IAPP: variants seen among roughly 807,000 people sequenced by gnomAD.
IAPP encodes the protein Islet amyloid polypeptide (diabetes-associated peptide; amylin).
In IAPP, 4 loss-of-function variants were observed where a neutral mutation model predicts 2.9. That is an observed-to-expected ratio of 1.39 (90% CI 0.69 to 3.19). The LOEUF is 3.19. Among genes scored for constraint, IAPP ranks in the 30% most tolerant of loss-of-function variants. The pLI is 0.01. For missense variants in IAPP, 114 were observed against 105.3 expected, an observed-to-expected ratio of 1.08 and a Z score of -0.36; for synonymous variants, 40 against 42.1, an observed-to-expected ratio of 0.95 and a Z score of 0.19.
upstream of IAPP, among the ~76,000 whole-genome samples, chr12:21,369,246 C>T (rs1169741824): frequency 7.2e-5 from 11 of 152,120 alleles, no homozygotes; most frequent in Non-Finnish European, 8.8e-5. Flanking sequence ...CTTCTCATTT[C>T]TTCCCTTTAT....
chr12:21,366,524 C>A (rs11614319), intron 1 of IAPP, among the ~76,000 whole-genome samples: 32,352 of 151,760 alleles, frequency 0.21, 4,279 homozygotes, highest in Middle Eastern at 0.31. Context: ...TGCACATGTA[C>A]CCTAGAACCT....
intron 1 of IAPP, among the ~76,000 whole-genome samples, chr12:21,367,044 C>T (rs1031565624): frequency 6.6e-6 from 1 of 152,004 alleles, no homozygotes; most frequent in African/African-American, 2.4e-5. Context: ...CACACCAAAG[C>T]ATATCAGCCT....
At chr12:21,371,675 A>G (rs1939801758), upstream of IAPP, among the ~76,000 whole-genome samples, 1 of 152,166 alleles carries the variant, frequency 6.6e-6, no homozygotes, top group South Asian at 2.1e-4. Context: ...AAGTTGTTCT[A>G]TTAATAACTA....
chr12:21,361,156 T>A (rs1938835113), intron 1 of IAPP, among the ~76,000 whole-genome samples: 1 of 134,098 alleles, frequency 7.5e-6, no homozygotes, highest in South Asian at 2.5e-4. Flanking sequence ...GACAGACACC[T>A]CATACGGGGG....
intron 2 of IAPP, among the ~76,000 whole-genome samples, chr12:21,374,834 T>G (rs776520682): frequency 1.1e-4 from 16 of 151,888 alleles, no homozygotes; most frequent in Non-Finnish European, 1.9e-4. Context: ...TCTCTCTCTC[T>G]CTCTCTGTCT....
At chr12:21,366,352 G>T (rs1000581173) in intron 1 of IAPP, among the ~76,000 whole-genome samples, 10 of 139,006 alleles carry the variant, frequency 7.2e-5, no homozygotes, top group African/African-American at 2.7e-4. Flanking sequence ...TGAACAATGA[G>T]AACACAGGGA....
chr12:21,377,037 A>G (rs1489813516), intron 2 of IAPP, among the ~76,000 whole-genome samples: 1 of 152,208 alleles, frequency 6.6e-6, no homozygotes, highest in Non-Finnish European at 1.5e-5. Flanking sequence ...TGGTATACAA[A>G]TAAATGTCTT....
intron 1 of IAPP, among the ~76,000 whole-genome samples, chr12:21,361,783 G>C (rs1262998541): frequency 6.6e-6 from 1 of 152,164 alleles, no homozygotes; most frequent in Admixed American, 6.5e-5. Context: ...TCAAATAGAA[G>C]AAAGGGTATC....
chr12:21,373,747 C>T (rs1266714349), intron 2 of IAPP: 8 of 695,866 alleles, frequency 1.1e-5, no homozygotes, highest in South Asian at 1.1e-4. Flanking sequence ...GTAATTTCTT[C>T]TATATTAACC....
At position 21,373,361 on chromosome 12, in the gene IAPP, C is replaced by T; in HGVS notation, c.10C>T (p.Leu4=). The T allele has an allele frequency of 6.2e-7, 1 of 1,612,364 alleles. No individual in the cohort carries two copies. Among genetic ancestry groups the T allele is most frequent in the Non-Finnish European group, 8.5e-7 (1 of 1,178,586 alleles). MGI[L]KLQVFLIVLS... ...GAAAATTTGAGAAGCAATGGGCATC[C>T]TGAAGCTGCAAGTATTTCTCATTGT... is the stretch of plus-strand genomic sequence containing the variant. Residue 4 remains leucine, a synonymous_variant, in exon 2 of 3, where the codon CTG becomes TTG. Coordinates refer to ENST00000240652, the MANE Select transcript of IAPP (RefSeq NM_000415.3).
At chr12:21,367,846 A>G (rs1939505110) in intron 1 of IAPP, among the ~76,000 whole-genome samples, 1 of 152,122 alleles carries the variant, frequency 6.6e-6, no homozygotes, top group South Asian at 2.1e-4. Flanking sequence ...TATAAAGTAT[A>G]TTTCAAAAAA....
intron 1 of IAPP, among the ~76,000 whole-genome samples, chr12:21,360,662 C>G (rs35940473): frequency 0.093 from 14,155 of 152,204 alleles, 1,051 homozygotes; most frequent in East Asian, 0.4. Context: ...ACAGACAGCA[C>G]CTGGAAAATC....
chr12:21,372,066 G>A (rs1939838927), upstream of IAPP, among the ~76,000 whole-genome samples: 1 of 152,000 alleles, frequency 6.6e-6, no homozygotes, highest in Admixed American at 6.6e-5. Context: ...GCAATTTGGA[G>A]AAAATTTTAA....
chr12:21,358,812 A>T (rs1022037015), intron 1 of IAPP, among the ~76,000 whole-genome samples: 4 of 152,190 alleles, frequency 2.6e-5, no homozygotes, highest in Admixed American at 6.5e-5. Context: ...CATAAGTCTA[A>T]ATACCTACCA....
At position 21,379,903 on chromosome 12, in the gene IAPP, G is replaced by C. The variant is rs1031021341; in HGVS notation, c.*1477G>C. ...GTGGTAGCGGTAGTGAGTGTATAGA[G>C]GCAGGGAAATATATTTATAATAAAT... On this transcript the variant is annotated 3_prime_UTR_variant, in exon 3 of 3. Transcript: ENST00000240652. The C allele has an allele frequency of 6.6e-6, 1 of 152,072 alleles. No homozygotes were observed. The highest frequency in any genetic ancestry group is 1.5e-5 in the Non-Finnish European group (1 of 68,018). 9.4% of individuals were successfully genotyped at this position (152,072 alleles called of 1,614,324 possible). A position where few individuals can be genotyped will look rare whatever the true frequency, so the allele number is the denominator to read the frequency against.
At chr12:21,363,197 C>G (rs1218171532) in intron 1 of IAPP, among the ~76,000 whole-genome samples, 1 of 152,186 alleles carries the variant, frequency 6.6e-6, no homozygotes, top group Admixed American at 6.5e-5. Flanking sequence ...CAAACTGTCT[C>G]TCAGACCACA....
intron 1 of IAPP, among the ~76,000 whole-genome samples, chr12:21,363,542 G>C (rs1476877263): frequency 1.3e-5 from 2 of 152,060 alleles, no homozygotes; most frequent in African/African-American, 4.8e-5. Context: ...AAATAACTAA[G>C]ATCAGAGCAG....
chr12:21,373,716 C>CG (rs769824646), intron 2 of IAPP: 2 of 700,866 alleles, frequency 2.9e-6, no homozygotes, highest in South Asian at 3.0e-5. Context: ...GAACATGAAG[C>CG]GGGAAAAAAA....
chr12:21,358,817 C>T (rs1205148751), intron 1 of IAPP, among the ~76,000 whole-genome samples: 1 of 151,990 alleles, frequency 6.6e-6, no homozygotes, highest in Admixed American at 6.5e-5. Flanking sequence ...GTCTAAATAC[C>T]TACCAAAGCC....
Sources: allele counts gnomAD v4.1 joint callset (sites outside exome capture counted in the v4.1 genomes callset), GRCh38; gene constraint gnomAD v4.1.1; transcripts MANE v1.5; gene names NCBI Gene and HGNC (gene_info 2026-07-23, HGNC 2026-07-21).